The following ULK2 variants were observed in gnomAD, a reference collection of about 807,000 sequenced individuals.
ULK2 encodes the protein serine/threonine-protein kinase ULK2.
Under a neutral mutation model 127.5 loss-of-function variants are expected in ULK2, and 76 were observed. The observed-to-expected ratio is 0.60, with a 90% confidence interval of 0.50 to 0.72. ULK2 has a LOEUF of 0.72. Among genes scored for constraint, ULK2 ranks in the 30% least tolerant of loss-of-function variants. The probability of loss-of-function intolerance (pLI) is 0.00; values close to 1 mark genes in which losing one functional copy is unlikely to be tolerated. For synonymous variants in ULK2, 452 were observed against 461.9 expected (o/e 0.98, Z 0.28); for missense variants, 1,144 against 1,295.9 (o/e 0.88, Z 1.80).
At chr17:19,801,296 G>A (rs901472787) in intron 16 of ULK2, among the ~76,000 whole-genome samples, 53 of 152,154 alleles carry the variant, frequency 3.5e-4, no homozygotes, top group African/African-American at 2.7e-4. Context: ...AGTTGGGGCC[G>A]GGCGCGGTGG....
In ULK2 at chr17:19,810,365, T is replaced by C; in HGVS notation, c.1157+13A>G. ...TAAAACAAATTTTAATAAGATAATG[T>C]AAATATACATACCCTCCACACACCA... On this transcript the variant is annotated intron_variant, in intron 14 of 26. Coordinates refer to ENST00000395544, the MANE Select transcript of ULK2 (RefSeq NM_014683.4). 1.9e-6 allele frequency: 3 copies of C among 1,562,840 alleles called. No individual in the cohort carries two copies. Among genetic ancestry groups the C allele is most frequent in the Non-Finnish European group, 2.6e-6 (3 of 1,143,806 alleles).
chr17:19,778,215 A>G (rs893672162), intron 25 of ULK2, among the ~76,000 whole-genome samples: 2 of 152,258 alleles, frequency 1.3e-5, no homozygotes, highest in African/African-American at 2.4e-5. Flanking sequence ...CACTGCGCCT[A>G]CAATGAAGGA....
rs935042530 is a variant in ULK2, at chr17:19,782,196, T to C, written c.2461-129A>G. 40 of 1,045,530 alleles carry C rather than the reference T, an allele frequency of 3.8e-5. 1 individual carries two copies. The South Asian group carries it at 6.0e-4, about 16-fold the overall frequency. 64.8% of individuals were successfully genotyped at this position (1,045,530 alleles called of 1,614,324 possible). On this transcript the variant is annotated intron_variant, in intron 22 of 26. Coordinates refer to ENST00000395544, the MANE Select transcript of ULK2 (RefSeq NM_014683.4). ...GAGTATCAGAATGACAAAAGGAGAT[T>C]GAAATTTTTAAATTTCAGAAAGCTG... is the stretch of plus-strand genomic sequence containing the variant.
At chr17:19,799,699 A>C (rs1428447624) in intron 16 of ULK2, 124 bp from the exon 17 acceptor site, 6 of 889,804 alleles carry the variant, frequency 6.7e-6, no homozygotes, top group Non-Finnish European at 9.6e-6. Flanking sequence ...AATTTTAAGT[A>C]ACAAACGTTT....
chr17:19,832,670 C>T (rs1437005685), intron 10 of ULK2, among the ~76,000 whole-genome samples: 1 of 152,084 alleles, frequency 6.6e-6, no homozygotes, highest in African/African-American at 2.4e-5. Flanking sequence ...TGGCTGACCA[C>T]TAAAAAACTG....
chr17:19,855,163 G>C (rs2042097888), intron 3 of ULK2, among the ~76,000 whole-genome samples: 1 of 151,528 alleles, frequency 6.6e-6, no homozygotes, highest in Non-Finnish European at 1.5e-5. Context: ...CCAGCACTTT[G>C]GGAGGCCGAG....
At chr17:19,846,158 T>C (rs1694295294) in intron 6 of ULK2, among the ~76,000 whole-genome samples, 1 of 151,630 alleles carries the variant, frequency 6.6e-6, no homozygotes, top group African/African-American at 2.4e-5. Context: ...TCAGAGTTAT[T>C]AATTTGCTGC....
intron 12 of ULK2, among the ~76,000 whole-genome samples, chr17:19,823,560 A>G (rs2041212330): frequency 6.6e-6 from 1 of 152,166 alleles, no homozygotes; most frequent in Non-Finnish European, 1.5e-5. Flanking sequence ...CATTGTGTCA[A>G]ATATATGGTT....
intron 26 of ULK2, 147 bp downstream of exon 26, chr17:19,777,434 G>A: frequency 1.2e-6 from 1 of 827,902 alleles, no homozygotes; most frequent in East Asian, 2.8e-5. Flanking sequence ...AAGAAGCTGA[G>A]GCCACACAAA....
intron 10 of ULK2, among the ~76,000 whole-genome samples, chr17:19,829,649 A>T (rs1360644059): frequency 6.6e-6 from 1 of 150,436 alleles, no homozygotes; most frequent in African/African-American, 2.4e-5. Context: ...CAGCCTGACC[A>T]ACATGGTGAA....
chr17:19,849,288 A>T, intron 5 of ULK2, 81 bp downstream of exon 5: 1 of 1,190,284 alleles, frequency 8.4e-7, no homozygotes, highest in Non-Finnish European at 1.2e-6. Context: ...GAAAATGGGT[A>T]GTGTATTTCA....
In ULK2 at chr17:19,846,861, A is replaced by C; in HGVS notation, c.345T>G (p.Ile115Met). Residue 115 changes from isoleucine to methionine, a missense_variant, in exon 6 of 27, where the codon ATT becomes ATG. This residue lies in a region of ULK2 where 231 missense variants were observed against 325.4 expected (regional missense o/e 0.71). Coordinates refer to ENST00000395544, the MANE Select transcript of ULK2 (RefSeq NM_014683.4). ...TGTGCAGGATTCGCATGGCAGCAGC[A>C]ATCTGATGCAGAAACACTCTGATCG... ...EDTIRVFLHQ[I>M]AAAMRILHSK... The C allele has an allele frequency of 6.2e-7, 1 of 1,613,944 alleles. No individual in the cohort carries two copies.
At position 19,814,471 on chromosome 17, in the gene ULK2, G is replaced by A. The variant is rs1301704505; in HGVS notation, c.1096+2278C>T. Among the ~76,000 whole-genome samples the A allele has an allele frequency of 1.2e-3, 14 of 11,824 alleles. No homozygotes were observed. In the Admixed American group the frequency reaches 0.012, roughly 10 times the overall value. The allele number at this position is 11,824 out of a possible 152,430, so 7.8% of individuals were successfully genotyped here. ...TTTTTTTTTTTTTTTTTTGGAGACA[G>A]GGTCTTGCTCTGTTGCCCAGGCTGG... On this transcript the variant is annotated intron_variant, in intron 13 of 26. Coordinates refer to ENST00000395544, the MANE Select transcript of ULK2 (RefSeq NM_014683.4).
At chr17:19,785,508 C>T (rs2087009428) in intron 21 of ULK2, among the ~76,000 whole-genome samples, 1 of 151,324 alleles carries the variant, frequency 6.6e-6, no homozygotes, top group South Asian at 2.1e-4. Context: ...TAAGCCACCT[C>T]ACCTAGCCAA....
chr17:19,844,242 G>GA (rs2041829623), intron 7 of ULK2, among the ~76,000 whole-genome samples: 1 of 152,114 alleles, frequency 6.6e-6, no homozygotes, highest in Admixed American at 6.6e-5. Context: ...ATATTAAACA[G>GA]AAATGGAAAA....
intron 12 of ULK2, among the ~76,000 whole-genome samples, chr17:19,821,428 T>TG (rs11325637): frequency 1.3e-5 from 2 of 152,020 alleles, no homozygotes; most frequent in Admixed American, 1.3e-4. Context: ...TTTTTTGTTT[T>TG]GGGGGGGGCC....
At chr17:19,840,653 G>GA (rs1270695828) in intron 9 of ULK2, 13 of 175,966 alleles carry the variant, frequency 7.4e-5, no homozygotes, top group Admixed American at 1.9e-4. Flanking sequence ...GAGGCGGGGG[G>GA]ATCACTTGAG....
intron 9 of ULK2, 91 bp from the exon 10 acceptor site, chr17:19,838,674 T>C (rs1391280844): frequency 9.4e-6 from 10 of 1,066,094 alleles, no homozygotes; most frequent in Admixed American, 2.2e-5. Context: ...CTAAAACGTG[T>C]ATGCGGTTTC....
intron 17 of ULK2, 28 bp from the exon 18 acceptor site, chr17:19,797,710 C>T (rs755674239): frequency 1.5e-5 from 22 of 1,448,428 alleles, no homozygotes; most frequent in African/African-American, 5.8e-5. Flanking sequence ...GTAACATTAA[C>T]CTGAAGTGAA....
Sources: gnomAD v4.1 joint callset for allele counts (sites outside exome capture counted in the v4.1 genomes callset) on GRCh38, gnomAD v4.1.1 for gene constraint, gnomAD v4.1.1 regional missense constraint, MANE v1.5 for transcripts, NCBI Gene and HGNC (gene_info 2026-07-23, HGNC 2026-07-21) for gene names.